The following TRIM37 variants were observed in gnomAD, a reference collection of about 807,000 sequenced individuals.
TRIM37 encodes E3 ubiquitin-protein ligase TRIM37.
Under a neutral mutation model 129.8 loss-of-function variants are expected in TRIM37, and 80 were observed. That is an observed-to-expected ratio of 0.62 (90% CI 0.51 to 0.74). The LOEUF (loss-of-function observed/expected upper bound fraction) is 0.74, where lower values mean the gene tolerates loss of function less well. Among genes scored for constraint, TRIM37 ranks in the 30% least tolerant of loss-of-function variants. The pLI is 0.00. For missense variants in TRIM37, 1,054 were observed against 1,176.5 expected, an observed-to-expected ratio of 0.90 and a Z score of 1.52; for synonymous variants, 389 against 387.1, an observed-to-expected ratio of 1.00 and a Z score of -0.06.
intron 5 of TRIM37, among the ~76,000 whole-genome samples, chr17:59,081,964 A>AAAAAAAAATAAT (rs1568200247): frequency 4.6e-5 from 4 of 87,186 alleles, no homozygotes; most frequent in East Asian, 3.1e-4. Flanking sequence ...AAAAAAAAAA[A>AAAAAAAAATAAT]AATAATAATA....
At chr17:58,975,869 TGAG>T in the TRIM37 span, among the ~76,000 whole-genome samples, 124 of 152,080 alleles carry the variant, frequency 8.2e-4, no homozygotes, top group African/African-American at 2.7e-3. Flanking sequence ...GTTACAGAGA[TGAG>T]GAGAGCTAAA....
intron 16 of TRIM37, 117 bp downstream of exon 16, chr17:59,047,566 T>G (rs2039944970): frequency 9.6e-7 from 1 of 1,037,300 alleles, no homozygotes; most frequent in Non-Finnish European, 1.4e-6. Flanking sequence ...GAAAACTGAC[T>G]ATTGATTCAA....
chr17:59,057,834 T>TA (rs2041106278), intron 12 of TRIM37, among the ~76,000 whole-genome samples: 1 of 152,130 alleles, frequency 6.6e-6, no homozygotes, highest in African/African-American at 2.4e-5. Context: ...AAAACAGCAG[T>TA]ATTTTGAACG....
chr17:58,977,367 C>T, the TRIM37 span, among the ~76,000 whole-genome samples: 3 of 150,082 alleles, frequency 2.0e-5, no homozygotes, highest in African/African-American at 4.9e-5. Flanking sequence ...TGCTTGAATC[C>T]GGGAGGTGGA....
chr17:58,980,293 A>T, downstream of TRIM37: 1 of 1,614,192 alleles, frequency 6.2e-7, no homozygotes, highest in Non-Finnish European at 8.5e-7. This position sits in a 1 kb window ranked among gnomAD's most constrained non-coding sequence, Gnocchi z 4.7. Flanking sequence ...CTTTTCAAGG[A>T]GGGCAAGAAG....
At chr17:59,038,338 T>A (rs570783362) in intron 17 of TRIM37, among the ~76,000 whole-genome samples, 24 of 152,290 alleles carry the variant, frequency 1.6e-4, no homozygotes, top group Admixed American at 1.4e-3. Context: ...AGGTTATAAA[T>A]TACTTAGTGT....
chr17:58,970,923 C>CTCTAT, the TRIM37 span, among the ~76,000 whole-genome samples: 1 of 152,048 alleles, frequency 6.6e-6, no homozygotes, highest in East Asian at 1.9e-4. Flanking sequence ...CTTCTTCATC[C>CTCTAT]TCTATTCTAT....
At chr17:59,034,722 C>T (rs1204576982) in intron 17 of TRIM37, among the ~76,000 whole-genome samples, 4 of 152,098 alleles carry the variant, frequency 2.6e-5, no homozygotes, top group African/African-American at 9.7e-5. Context: ...TTTGGGTTGG[C>T]ACTGATTTCA....
chr17:59,005,276 T>G (rs1021855701), intron 22 of TRIM37, among the ~76,000 whole-genome samples: 2 of 152,168 alleles, frequency 1.3e-5, no homozygotes, highest in African/African-American at 4.8e-5. Context: ...CAAACTCTAT[T>G]CATTACATGT....
chr17:59,064,130 A>G (rs2041733818), intron 10 of TRIM37: 1 of 485,276 alleles, frequency 2.1e-6, no homozygotes. Flanking sequence ...CCAGTCTCAA[A>G]ATAAAAAGAA....
At chr17:59,018,194 C>T (rs1287531157) in intron 19 of TRIM37, among the ~76,000 whole-genome samples, 1 of 151,956 alleles carries the variant, frequency 6.6e-6, no homozygotes, top group Admixed American at 6.6e-5. Context: ...GACTATATGA[C>T]CTAATATGCA....
At chr17:59,036,843 T>C (rs566428025) in intron 17 of TRIM37, among the ~76,000 whole-genome samples, 1 of 152,236 alleles carries the variant, frequency 6.6e-6, no homozygotes, top group African/African-American at 2.4e-5. Context: ...CCAGGTGTGG[T>C]AGCTCACATC....
the TRIM37 span, among the ~76,000 whole-genome samples, chr17:58,977,271 T>C: frequency 6.6e-6 from 1 of 151,948 alleles, no homozygotes; most frequent in Non-Finnish European, 1.5e-5. Flanking sequence ...GGTGAAACCC[T>C]GTCTCTACTA....
At chr17:59,094,714 T>A (rs1381316047) in intron 2 of TRIM37, among the ~76,000 whole-genome samples, 4 of 151,962 alleles carry the variant, frequency 2.6e-5, no homozygotes, top group Non-Finnish European at 5.9e-5. Flanking sequence ...GATAAAAAAC[T>A]GGGTTCCTGA....
At chr17:59,081,890 G>A (rs1483594284) in intron 5 of TRIM37, among the ~76,000 whole-genome samples, 1 of 138,944 alleles carries the variant, frequency 7.2e-6, no homozygotes, top group Non-Finnish European at 1.5e-5. Flanking sequence ...CTGGGTGACA[G>A]AGACTCTGTC....
At chr17:59,085,693 G>A (rs188015903) in intron 4 of TRIM37, among the ~76,000 whole-genome samples, 87 of 152,160 alleles carry the variant, frequency 5.7e-4, no homozygotes, top group African/African-American at 2.0e-3. Context: ...TTCTACTTCT[G>A]ATTACATAAC....
At chr17:59,028,896 C>T (rs893519494) in intron 18 of TRIM37, among the ~76,000 whole-genome samples, 173 bp from the exon 19 acceptor site, 1 of 152,028 alleles carries the variant, frequency 6.6e-6, no homozygotes, top group African/African-American at 2.4e-5. Context: ...AGAATCCTAC[C>T]TTATTCACAC....
At chr17:58,984,550 G>A (rs543962450) in intron 24 of TRIM37, 1 of 152,476 alleles carries the variant, frequency 6.6e-6, no homozygotes, top group African/African-American at 2.4e-5. Context: ...TTTAATTTGA[G>A]ACCATTTTTC....
chr17:58,975,467 T>A, the TRIM37 span, among the ~76,000 whole-genome samples: 1 of 152,140 alleles, frequency 6.6e-6, no homozygotes, highest in African/African-American at 2.4e-5. Context: ...TGATACCTCA[T>A]CTCTATTTTA....
Sources: allele counts gnomAD v4.1 joint callset (sites outside exome capture counted in the v4.1 genomes callset), GRCh38; gene constraint gnomAD v4.1.1; non-coding constraint Gnocchi (gnomAD v3.1); transcripts MANE v1.5; gene names NCBI Gene and HGNC (gene_info 2026-07-23, HGNC 2026-07-21).